The following BAIAP2L1 variants were observed in gnomAD, a reference collection of about 807,000 sequenced individuals.
BAIAP2L1 encodes BAR/IMD domain containing adaptor protein 2 like 1, also known as BAR/IMD domain-containing adapter protein 2-like 1.
In BAIAP2L1, 35 loss-of-function variants were observed where a neutral mutation model predicts 66.3. The observed-to-expected ratio is 0.53, with a 90% CI of 0.40 to 0.70. The LOEUF (loss-of-function observed/expected upper bound fraction) is 0.70. Among genes scored for constraint, BAIAP2L1 ranks in the 30% least tolerant of loss-of-function variants. The pLI is 0.00. For missense variants in BAIAP2L1, 622 were observed against 656.9 expected, an observed-to-expected ratio of 0.95 and a Z score of 0.58; for synonymous variants, 269 against 248.7, an observed-to-expected ratio of 1.08 and a Z score of -0.77.
At chr7:98,389,954 C>G (rs910924599) in intron 1 of BAIAP2L1, among the ~76,000 whole-genome samples, 1 of 126,288 alleles carries the variant, frequency 7.9e-6, no homozygotes, top group South Asian at 2.3e-4. Context: ...CTCGCACTGT[C>G]GCCCAGGCTG....
chr7:98,304,996 G>A (rs1017860760), intron 11 of BAIAP2L1, among the ~76,000 whole-genome samples: 3 of 149,244 alleles, frequency 2.0e-5, no homozygotes, highest in African/African-American at 7.4e-5. Context: ...CTCCCAAGTA[G>A]CCGGGATTAC....
chr7:98,317,730 G>A (rs1801120161), intron 5 of BAIAP2L1, among the ~76,000 whole-genome samples: 2 of 147,282 alleles, frequency 1.4e-5, no homozygotes. Context: ...CACACCATCT[G>A]CATGTTGGCT....
At chr7:98,339,575 C>T (rs6465673) in intron 3 of BAIAP2L1, among the ~76,000 whole-genome samples, 61,750 of 152,096 alleles carry the variant, frequency 0.41, 13,511 homozygotes, top group Middle Eastern at 0.55. Context: ...ATGGTGTGCC[C>T]GGGAATGCGG....
intron 1 of BAIAP2L1, among the ~76,000 whole-genome samples, chr7:98,383,189 C>CAA (rs138233070): frequency 3.4e-5 from 5 of 149,092 alleles, no homozygotes; most frequent in Non-Finnish European, 5.9e-5. Context: ...AACAAACAAA[C>CAA]AAAAAAAAGA....
intron 2 of BAIAP2L1, among the ~76,000 whole-genome samples, chr7:98,361,046 G>C (rs767756629): frequency 9.2e-5 from 14 of 152,056 alleles, no homozygotes; most frequent in Non-Finnish European, 1.9e-4. Flanking sequence ...TATCAACAGG[G>C]AGCAACCAGT....
rs549010110 is a variant in BAIAP2L1, at chr7:98,324,154, C to T, written c.215-3856G>A. On this transcript the variant is annotated intron_variant, in intron 3 of 13. Transcript: ENST00000005260. ...TGGGGCGCCTGCTTCCTTTTTCCCC[C>T]GGTTACGTTTGGAGTCACCCTTTTG... 3.9e-5 allele frequency among the ~76,000 whole-genome samples: 6 copies of T among 152,324 alleles called. No individual in the cohort carries two copies. In the East Asian group the frequency reaches 9.6e-4, roughly 24 times the overall value.
chr7:98,375,381 A>G (rs1297161053), intron 1 of BAIAP2L1, among the ~76,000 whole-genome samples: 6 of 149,170 alleles, frequency 4.0e-5, no homozygotes, highest in African/African-American at 7.5e-5. Flanking sequence ...GCGACAGTAC[A>G]ACACTCCATC....
intron 1 of BAIAP2L1, among the ~76,000 whole-genome samples, chr7:98,387,582 G>A (rs1251157997): frequency 2.0e-5 from 3 of 152,062 alleles, no homozygotes; most frequent in Non-Finnish European, 4.4e-5. Flanking sequence ...TTCAAGGGCT[G>A]GATGCAGTGG....
At chr7:98,396,335 C>T (rs1296080223) in intron 1 of BAIAP2L1, among the ~76,000 whole-genome samples, 1 of 152,136 alleles carries the variant, frequency 6.6e-6, no homozygotes, top group Non-Finnish European at 1.5e-5. Flanking sequence ...CCCCAAAGTG[C>T]TGGGATTACA....
At chr7:98,303,374 C>T (rs1250926109) in intron 12 of BAIAP2L1, among the ~76,000 whole-genome samples, 1 of 152,166 alleles carries the variant, frequency 6.6e-6, no homozygotes, top group Non-Finnish European at 1.5e-5. Flanking sequence ...CACCACCCAG[C>T]CTCCTCCCCT....
intron 12 of BAIAP2L1, among the ~76,000 whole-genome samples, chr7:98,300,425 C>T (rs570264960): frequency 6.6e-6 from 1 of 152,190 alleles, no homozygotes; most frequent in Non-Finnish European, 1.5e-5. Flanking sequence ...GTGACAGTTG[C>T]AGTCCCTCCC....
At position 98,292,868 on chromosome 7, in the gene BAIAP2L1, C is replaced by A; in HGVS notation, c.*653G>T. 1 of 1,447,668 alleles carries A rather than the reference C, an allele frequency of 6.9e-7. No individual in the cohort carries two copies. The highest frequency in any genetic ancestry group is 9.1e-7 in the Non-Finnish European group (1 of 1,101,094). 89.7% of individuals were successfully genotyped at this position (1,447,668 alleles called of 1,614,324 possible). A position where few individuals can be genotyped will look rare whatever the true frequency, so the allele number is the denominator to read the frequency against. On this transcript the variant is annotated 3_prime_UTR_variant, in exon 14 of 14. Transcript: ENST00000005260. ...GACTCCTAACTACCAAGAAAAGGAG[C>A]TCTCGGAGGAGATTTCGTCGAGTGC...
intron 1 of BAIAP2L1, among the ~76,000 whole-genome samples, chr7:98,396,242 G>C (rs931590614): frequency 2.0e-5 from 3 of 151,884 alleles, no homozygotes; most frequent in African/African-American, 7.3e-5. Context: ...GCTAATTTTT[G>C]TATCTTTGTA....
chr7:98,304,334 C>A lies in BAIAP2L1; in HGVS notation c.1284G>T (p.Glu428Asp), dbSNP rs752273587. 6.2e-7 allele frequency: 1 copy of A among 1,613,754 alleles called. No individual in the cohort carries two copies. The highest frequency in any genetic ancestry group is 1.1e-5 in the South Asian group (1 of 90,990). The stretch of plus-strand genomic sequence containing the variant: ...GTGGGGGGATGACAACACTGCTATT[C>A]TCAGACAAGTTCACGGTGCTGATGC... ...VRSISTVNLS[E>D]NSSVVIPPPD... is the part of the protein sequence containing the mutation. Residue 428 changes from glutamate (E) to aspartate (D), a missense_variant, in exon 12 of 14, where the codon GAG becomes GAT. Coordinates refer to ENST00000005260, the MANE Select transcript of BAIAP2L1 (RefSeq NM_018842.5).
At chr7:98,339,720 A>G (rs897192476) in intron 3 of BAIAP2L1, among the ~76,000 whole-genome samples, 1 of 152,202 alleles carries the variant, frequency 6.6e-6, no homozygotes, top group Non-Finnish European at 1.5e-5. Flanking sequence ...CTTTCTTGGC[A>G]TGCTCTCAAC....
chr7:98,326,448 T>C (rs1584459016), intron 3 of BAIAP2L1, among the ~76,000 whole-genome samples: 1 of 152,294 alleles, frequency 6.6e-6, no homozygotes, highest in South Asian at 2.1e-4. Flanking sequence ...TGTAAGTTAC[T>C]GTACACTGTG....
chr7:98,398,465 A>G (rs1021483377), intron 1 of BAIAP2L1, among the ~76,000 whole-genome samples: 1 of 141,614 alleles, frequency 7.1e-6, no homozygotes, highest in Non-Finnish European at 1.6e-5. Context: ...ATATCCTACC[A>G]CCTGGACATT....
intron 11 of BAIAP2L1, among the ~76,000 whole-genome samples, chr7:98,305,222 G>A (rs888369859): frequency 6.6e-6 from 1 of 151,222 alleles, no homozygotes; most frequent in African/African-American, 2.4e-5. Flanking sequence ...GACAAAAGGA[G>A]AGGAAACCTT....
At chr7:98,367,553 T>TTTTTG (rs1802413567) in intron 1 of BAIAP2L1, among the ~76,000 whole-genome samples, 3 of 138,692 alleles carry the variant, frequency 2.2e-5, no homozygotes, top group South Asian at 2.3e-4. Flanking sequence ...TTTTTTTTTG[T>TTTTTG]GAGACGGAGT....
Sources: allele counts gnomAD v4.1 joint callset (sites outside exome capture counted in the v4.1 genomes callset), GRCh38; gene constraint gnomAD v4.1.1; transcripts MANE v1.5; gene names NCBI Gene and HGNC (gene_info 2026-07-23, HGNC 2026-07-21).